Variants in PTPN20 observed in about 807,000 individuals in gnomAD.
PTPN20 encodes tyrosine-protein phosphatase non-receptor type 20.
PTPN20 carries 9 observed loss-of-function variants against 35.0 expected under a neutral mutation model. The observed-to-expected ratio is 0.26, with a 90% confidence interval of 0.15 to 0.45. The LOEUF (loss-of-function observed/expected upper bound fraction) is 0.45, where lower values mean the gene tolerates loss of function less well. Ranked by LOEUF, PTPN20 falls within the 20% of genes least tolerant of loss-of-function variation. The pLI is 1.00. For missense variants in PTPN20, 111 were observed against 312.5 expected, an observed-to-expected ratio of 0.36 and a Z score of 4.86; for synonymous variants, 32 against 100.2, an observed-to-expected ratio of 0.32 and a Z score of 4.06.
intron 2 of PTPN20, 66 bp downstream of exon 2, chr10:46,932,599 G>A: frequency 6.3e-7 from 1 of 1,579,308 alleles, no homozygotes. Context: ...CTCTCAGACT[G>A]TAGATTTGCA....
chr10:46,922,655 G>C lies in PTPN20; in HGVS notation c.-123-9722G>C, dbSNP rs550342891. Among the ~76,000 whole-genome samples, 21 of 136,930 alleles carry C rather than the reference G, an allele frequency of 1.5e-4. 2 individuals carry two copies. The highest frequency in any genetic ancestry group is 6.9e-4 in the African/African-American group (21 of 30,604). The allele number at this position is 136,930 out of a possible 152,430, so 89.8% of individuals were successfully genotyped here. A position where few individuals can be genotyped will look rare whatever the true frequency, so the allele number is the denominator to read the frequency against. ...CAGCCAATCCAGGAAACATACTCCC[G>C]AAACAGGACCAAGGGTGTGGCTGAA... On this transcript the variant is annotated intron_variant, in intron 1 of 10. Transcript: ENST00000374339.
At chr10:46,994,518 T>C (rs1247628700) in intron 9 of PTPN20, among the ~76,000 whole-genome samples, 1 of 151,854 alleles carries the variant, frequency 6.6e-6, no homozygotes, top group African/African-American at 2.4e-5. Context: ...ATTTTTTTAG[T>C]AGAGACGGGG....
chr10:46,932,335 G>A (rs1175246038), intron 1 of PTPN20, 42 bp from the exon 2 acceptor site: 14 of 1,591,020 alleles, frequency 8.8e-6, no homozygotes, highest in Non-Finnish European at 1.1e-5. Context: ...GATAGCTCCA[G>A]TTGTGTAACA....
intron 1 of PTPN20, among the ~76,000 whole-genome samples, chr10:46,919,347 T>G (rs1555106148): frequency 6.7e-6 from 1 of 148,674 alleles, no homozygotes; most frequent in Admixed American, 6.6e-5. Context: ...TTACCTGTTC[T>G]TTAATCTAGT....
rs1416302352 is a variant in PTPN20 at position 47,000,668 on chromosome 10, G to A, written c.1198-8G>A. 6.2e-7 allele frequency: 1 copy of A among 1,612,900 alleles called. No individual in the cohort carries two copies. The highest frequency in any genetic ancestry group is 8.5e-7 in the Non-Finnish European group (1 of 1,179,090). On this transcript the variant is annotated splice_region_variant and splice_polypyrimidine_tract_variant and intron_variant, in intron 10 of 10. Transcript: ENST00000374339. Reference sequence around the variant, plus strand: ...ACATTCTGTTGTTTTTTATATATATGTATATAGGAGCAGTATCACTTTTGT... The same window carrying A: ...ACATTCTGTTGTTTTTTATATATATATATATAGGAGCAGTATCACTTTTGT...
rs532140551 is a variant in PTPN20 at position 46,922,740 on chromosome 10, C to T, written c.-123-9637C>T. Reference sequence around the variant, plus strand: ...TGGATCCAGACAGCCCTCTCAGGCCCTGGAAACCTAATGAAAATTTCCCTG... The same window carrying T: ...TGGATCCAGACAGCCCTCTCAGGCCTTGGAAACCTAATGAAAATTTCCCTG... On this transcript the variant is annotated intron_variant, in intron 1 of 10. Transcript: ENST00000374339. Among the ~76,000 whole-genome samples the T allele has an allele frequency of 2.1e-5, 3 of 140,028 alleles. No homozygotes were observed. The East Asian group carries it at 6.0e-4, about 28-fold the overall frequency. 91.9% of individuals were successfully genotyped at this position (140,028 alleles called of 152,430 possible).
chr10:46,984,034 T>C (rs2056325178), intron 7 of PTPN20, among the ~76,000 whole-genome samples, 196 bp from the exon 8 acceptor site: 1 of 151,996 alleles, frequency 6.6e-6, no homozygotes, highest in African/African-American at 2.4e-5. Flanking sequence ...TGTATATTTC[T>C]TAGGTCATGC....
intron 2 of PTPN20, among the ~76,000 whole-genome samples, chr10:46,939,411 T>G (rs1250190880): frequency 4.6e-4 from 58 of 127,320 alleles, no homozygotes; most frequent in African/African-American, 1.9e-3. Context: ...TTACACTTGA[T>G]CTTAGCCAAA....
intron 5 of PTPN20, among the ~76,000 whole-genome samples, chr10:46,949,774 T>G (rs1383570711): frequency 1.9e-4 from 18 of 97,146 alleles, no homozygotes; most frequent in Non-Finnish European, 3.5e-4. Context: ...CTTAGTACCC[T>G]CCTTTTCAGT....
intron 5 of PTPN20, among the ~76,000 whole-genome samples, chr10:46,949,202 G>A (rs1458024559): frequency 8.5e-5 from 13 of 152,270 alleles, no homozygotes; most frequent in African/African-American, 2.4e-4. Context: ...TGAGGGAATG[G>A]TTCTTCCCGT....
chr10:46,993,447 G>A (rs1222753121), intron 9 of PTPN20, among the ~76,000 whole-genome samples: 10 of 152,228 alleles, frequency 6.6e-5, no homozygotes, highest in Admixed American at 1.3e-4. Context: ...TGTTGATGCA[G>A]TAGGTCAGGG....
At chr10:46,941,637 G>T (rs2043543379) in intron 3 of PTPN20, among the ~76,000 whole-genome samples, 1 of 148,186 alleles carries the variant, frequency 6.7e-6, no homozygotes, top group African/African-American at 2.6e-5. Context: ...AGTCTTATTT[G>T]ACTTCTTCTA....
chr10:46,970,810 C>A (rs2051919031), intron 7 of PTPN20, among the ~76,000 whole-genome samples: 1 of 86,132 alleles, frequency 1.2e-5, no homozygotes. Context: ...AATATAAGTG[C>A]CAAGGATAAA....
chr10:46,925,926 T>C, intron 1 of PTPN20: 1 of 974,932 alleles, frequency 1.0e-6, no homozygotes, highest in African/African-American at 1.8e-5. Flanking sequence ...GGGTATATAA[T>C]CTGAGTAAGT....
intron 7 of PTPN20, among the ~76,000 whole-genome samples, chr10:46,978,980 C>T (rs1441524227): frequency 2.0e-5 from 3 of 151,672 alleles, no homozygotes; most frequent in Non-Finnish European, 4.4e-5. Flanking sequence ...AAATTCTAAC[C>T]TGAACCATAG....
intron 2 of PTPN20, among the ~76,000 whole-genome samples, chr10:46,937,358 A>G (rs2041985466): frequency 6.6e-6 from 1 of 151,650 alleles, no homozygotes; most frequent in South Asian, 2.1e-4. Context: ...ATTTTTCTAT[A>G]AGCTCATATA....
In PTPN20 at chr10:46,923,089, A is replaced by G. The variant is rs1370075357; in HGVS notation, c.-123-9288A>G. On this transcript the variant is annotated intron_variant, in intron 1 of 10. Transcript: ENST00000374339. ...GGGGTGAATGTATTTTGCATACAGT[A>G]AGGATATGACTTTTGGGGGATTGGA... Among the ~76,000 whole-genome samples the G allele has an allele frequency of 2.1e-5, 3 of 144,374 alleles. 1 individual carries two copies. Among genetic ancestry groups the G allele is most frequent in the African/African-American group, 8.5e-5 (3 of 35,128 alleles). 94.7% of individuals were successfully genotyped at this position (144,374 alleles called of 152,430 possible).
At chr10:46,937,926 T>G (rs1555128688) in intron 2 of PTPN20, among the ~76,000 whole-genome samples, 5 of 141,134 alleles carry the variant, frequency 3.5e-5, no homozygotes, top group African/African-American at 1.4e-4. Context: ...CTTTTCTTTT[T>G]TTCTTCTTTT....
At chr10:46,951,043 C>A (rs1555145623) in intron 5 of PTPN20, among the ~76,000 whole-genome samples, 2 of 149,150 alleles carry the variant, frequency 1.3e-5, no homozygotes, top group Non-Finnish European at 2.9e-5. Context: ...AGTACTGGTA[C>A]TTTGATTTTG....
Sources: allele counts gnomAD v4.1 joint callset (sites outside exome capture counted in the v4.1 genomes callset), GRCh38; gene constraint gnomAD v4.1.1; transcripts MANE v1.5; gene names NCBI Gene and HGNC (gene_info 2026-07-23, HGNC 2026-07-21).